KCNH7: variants seen among roughly 807,000 people sequenced by gnomAD.
KCNH7 encodes voltage-gated inwardly rectifying potassium channel KCNH7.
In KCNH7, 49 loss-of-function variants were observed where a neutral mutation model predicts 120.8. The ratio of observed to expected loss-of-function variants is 0.41; its 90% CI spans 0.32 to 0.51. The LOEUF is 0.51. Ranked by LOEUF, KCNH7 falls within the 20% of genes least tolerant of loss-of-function variation. The pLI, the probability that KCNH7 is intolerant of heterozygous loss-of-function variation, is 0.38. For synonymous variants in KCNH7, 547 were observed against 516.1 expected (o/e 1.06, Z -0.81); for missense variants, 1,097 against 1,446.6 (o/e 0.76, Z 3.92).
chr2:162,838,538 G>A lies in KCNH7; in HGVS notation c.-20C>T. On this transcript the variant is annotated 5_prime_UTR_variant, in exon 1 of 16. Coordinates refer to ENST00000332142, the MANE Select transcript of KCNH7 (RefSeq NM_033272.4). ...AGGCATGTTGGCCCCGGTCTTCCGA[G>A]GAGCGCTCCCCCGGAGCTCTGGAGT... The A allele has an allele frequency of 3.7e-6, 6 of 1,604,538 alleles. No individual in the cohort carries two copies. The highest frequency in any genetic ancestry group is 5.1e-6 in the Non-Finnish European group (6 of 1,174,456).
At chr2:162,671,540 C>T (rs1002802354) in intron 2 of KCNH7, among the ~76,000 whole-genome samples, 9 of 152,012 alleles carry the variant, frequency 5.9e-5, no homozygotes, top group African/African-American at 9.6e-5. Flanking sequence ...AAATAACAGA[C>T]GTTGGCAACT....
intron 2 of KCNH7, among the ~76,000 whole-genome samples, chr2:162,564,439 C>T (rs12994605): frequency 0.069 from 10,482 of 152,160 alleles, 744 homozygotes; most frequent in East Asian, 0.18. Flanking sequence ...CCTCTGTCAA[C>T]GTAAAGCAAG....
Position 162,739,895 on chromosome 2 carries a change from G to T in KCNH7, c.307+96642C>A, listed in dbSNP as rs183469052. On this transcript the variant is annotated intron_variant, in intron 2 of 15. Transcript: ENST00000332142. ...GCAGTACATGAATGAGCAGGGCTGG[G>T]TATTGATTGAGTCCAAGTTATTACT... Among the ~76,000 whole-genome samples, 392 of 145,056 alleles carry T rather than the reference G, an allele frequency of 2.7e-3. 2 individuals are homozygous for T. The highest frequency in any genetic ancestry group is 0.011 in the African/African-American group (373 of 34,946).
intron 6 of KCNH7, among the ~76,000 whole-genome samples, chr2:162,490,380 T>C (rs2105710215): frequency 6.6e-6 from 1 of 152,352 alleles, no homozygotes; most frequent in African/African-American, 2.4e-5. Context: ...CTCTTTTTGC[T>C]GAGAGCTTTC....
chr2:162,806,121 T>C (rs996472084), intron 2 of KCNH7, among the ~76,000 whole-genome samples: 3 of 152,088 alleles, frequency 2.0e-5, no homozygotes, highest in African/African-American at 7.2e-5. Context: ...TAAAAAACTA[T>C]ATATTGGATA....
At chr2:162,818,057 A>G (rs1307135356) in intron 2 of KCNH7, among the ~76,000 whole-genome samples, 1 of 151,966 alleles carries the variant, frequency 6.6e-6, no homozygotes, top group East Asian at 1.9e-4. Context: ...GTATATACAT[A>G]TATACAGTTT....
intron 2 of KCNH7, among the ~76,000 whole-genome samples, chr2:162,823,457 A>T (rs1320349094): frequency 1.3e-5 from 2 of 152,154 alleles, no homozygotes; most frequent in South Asian, 4.1e-4. Flanking sequence ...ATCAACAAAA[A>T]TTTAAAAATT....
chr2:162,416,883 T>A (rs937876947), intron 9 of KCNH7, among the ~76,000 whole-genome samples: 4 of 152,230 alleles, frequency 2.6e-5, no homozygotes, highest in African/African-American at 9.6e-5. Flanking sequence ...TCTTTTTAGG[T>A]ATATCTGGCA....
At chr2:162,813,488 A>G (rs974677130) in intron 2 of KCNH7, among the ~76,000 whole-genome samples, 4 of 152,160 alleles carry the variant, frequency 2.6e-5, no homozygotes, top group Non-Finnish European at 4.4e-5. Flanking sequence ...TGAAACTTCT[A>G]AAATCTTTGG....
chr2:162,759,399 T>C (rs1413156656), intron 2 of KCNH7, among the ~76,000 whole-genome samples: 1 of 152,050 alleles, frequency 6.6e-6, no homozygotes, highest in African/African-American at 2.4e-5. Context: ...AGTAAACTTG[T>C]CAGCAGAAAG....
chr2:162,796,722 T>C (rs1043891830), intron 2 of KCNH7: 1 of 152,092 alleles, frequency 6.6e-6, no homozygotes, highest in African/African-American at 2.4e-5. Flanking sequence ...TATGAACAAG[T>C]AATCACAACT....
intron 2 of KCNH7, among the ~76,000 whole-genome samples, chr2:162,786,688 A>C (rs1420218623): frequency 1.3e-5 from 2 of 152,238 alleles, no homozygotes; most frequent in African/African-American, 2.4e-5. Flanking sequence ...GCATGCTTAA[A>C]TTTACTGAAC....
At position 162,599,653 on chromosome 2, in the gene KCNH7, G is replaced by A. The variant is rs189528147; in HGVS notation, c.308-62573C>T. Among the ~76,000 whole-genome samples, 767 of 147,854 alleles carry A rather than the reference G, an allele frequency of 5.2e-3. 7 individuals are homozygous for A. Among genetic ancestry groups the A allele is most frequent in the African/African-American group, 0.018 (722 of 40,308 alleles). On this transcript the variant is annotated intron_variant, in intron 2 of 15. Transcript: ENST00000332142. ...TACATGTGGTCTCTTTTTTTTTTAC[G>A]GTTTTCATTATTTCTAATTTATGTA...
intron 2 of KCNH7, among the ~76,000 whole-genome samples, chr2:162,607,373 G>A (rs1308032357): frequency 6.6e-6 from 1 of 151,876 alleles, no homozygotes; most frequent in Non-Finnish European, 1.5e-5. Flanking sequence ...CTGGACGACA[G>A]GGTGAGACTC....
At chr2:162,565,095 C>A (rs1270135430) in intron 2 of KCNH7, among the ~76,000 whole-genome samples, 1 of 152,074 alleles carries the variant, frequency 6.6e-6, no homozygotes, top group African/African-American at 2.4e-5. Flanking sequence ...GTAGGGGCTT[C>A]AATATGTCTA....
intron 2 of KCNH7, among the ~76,000 whole-genome samples, chr2:162,693,352 G>GAGCTAA (rs1399309517): frequency 6.6e-6 from 1 of 152,122 alleles, no homozygotes; most frequent in African/African-American, 2.4e-5. Context: ...GGAAAGAAAT[G>GAGCTAA]AGCTAAATTT....
At chr2:162,436,951 A>G (rs1049398255) in intron 7 of KCNH7, among the ~76,000 whole-genome samples, 1 of 151,994 alleles carries the variant, frequency 6.6e-6, no homozygotes. Context: ...CTATACAAAA[A>G]ATTAAAATAA....
Position 162,512,682 on chromosome 2 carries a change from G to A in KCNH7, c.893-8C>T. On this transcript the variant is annotated splice_polypyrimidine_tract_variant and splice_region_variant and intron_variant, in intron 4 of 15. Coordinates refer to ENST00000332142, the MANE Select transcript of KCNH7 (RefSeq NM_033272.4). The stretch of plus-strand genomic sequence containing the variant: ...TGACATTGCGACCATTGTCTGTTTT[G>A]AGCACATAAGGATAAAAAAAGAGAA... 1 of 1,605,034 alleles carries A rather than the reference G, an allele frequency of 6.2e-7. No homozygotes were observed. The highest frequency in any genetic ancestry group is 1.1e-5 in the South Asian group (1 of 90,480).
At chr2:162,716,928 A>G (rs1687143231) in intron 2 of KCNH7, among the ~76,000 whole-genome samples, 1 of 152,054 alleles carries the variant, frequency 6.6e-6, no homozygotes, top group Non-Finnish European at 1.5e-5. Context: ...TCTTTAGGGA[A>G]CATTTAATAC....
Sources: allele counts gnomAD v4.1 joint callset (sites outside exome capture counted in the v4.1 genomes callset), GRCh38; gene constraint gnomAD v4.1.1; transcripts MANE v1.5; gene names NCBI Gene and HGNC (gene_info 2026-07-23, HGNC 2026-07-21).